Variants in SEMA5A observed in about 807,000 individuals in gnomAD.
SEMA5A encodes semaphorin-5A.
In SEMA5A, 55 loss-of-function variants were observed where a neutral mutation model predicts 135.5. The observed-to-expected ratio is 0.41, with a 90% CI of 0.33 to 0.51. The LOEUF is 0.51. Among genes scored for constraint, SEMA5A ranks in the 20% least tolerant of loss-of-function variants. The pLI, the probability that SEMA5A is intolerant of heterozygous loss-of-function variation, is 0.37. For missense variants in SEMA5A, 1,290 were observed against 1,419.9 expected (o/e 0.91, Z 1.47); for synonymous variants, 580 against 546.5 (o/e 1.06, Z -0.85).
At chr5:9,269,919 C>T (rs538753104) in intron 5 of SEMA5A, among the ~76,000 whole-genome samples, 1 of 152,184 alleles carries the variant, frequency 6.6e-6, no homozygotes, top group African/African-American at 2.4e-5. Flanking sequence ...GTAGAGTAGG[C>T]CTGAGACTGT....
chr5:9,307,450 C>T (rs1309291238), intron 5 of SEMA5A, among the ~76,000 whole-genome samples: 1 of 151,696 alleles, frequency 6.6e-6, no homozygotes, highest in African/African-American at 2.4e-5. Context: ...TTAAGGGTTC[C>T]AATCCATCCA....
intron 13 of SEMA5A, among the ~76,000 whole-genome samples, chr5:9,130,667 A>G (rs943033637): frequency 1.3e-5 from 2 of 152,204 alleles, no homozygotes; most frequent in African/African-American, 4.8e-5. Context: ...CACTGAGCAC[A>G]CGTTCCAGAC....
intron 3 of SEMA5A, among the ~76,000 whole-genome samples, chr5:9,348,128 AC>A (rs1323005056): frequency 6.6e-6 from 1 of 152,174 alleles, no homozygotes; most frequent in African/African-American, 2.4e-5. Context: ...GTGCAAAGAG[AC>A]ACTAGTGAAA....
chr5:9,423,472 G>C (rs574469159), intron 2 of SEMA5A, among the ~76,000 whole-genome samples: 1 of 152,140 alleles, frequency 6.6e-6, no homozygotes, highest in Non-Finnish European at 1.5e-5. Context: ...ACAACCCACC[G>C]CTTCTCAACA....
intron 5 of SEMA5A, among the ~76,000 whole-genome samples, chr5:9,288,556 C>A (rs1750915028): frequency 6.6e-6 from 1 of 152,130 alleles, no homozygotes; most frequent in South Asian, 2.1e-4. Flanking sequence ...GAGAAAATAG[C>A]CAGCAGGAGT....
chr5:9,219,032 C>A (rs1023646907), intron 8 of SEMA5A, among the ~76,000 whole-genome samples: 1 of 152,196 alleles, frequency 6.6e-6, no homozygotes, highest in Non-Finnish European at 1.5e-5. Flanking sequence ...ATGTCCAGGT[C>A]AGGTAGTCAG....
chr5:9,215,636 A>T (rs909333326), intron 8 of SEMA5A, among the ~76,000 whole-genome samples: 1 of 152,172 alleles, frequency 6.6e-6, no homozygotes, highest in Non-Finnish European at 1.5e-5. Flanking sequence ...GTGCATGGCC[A>T]TGCCGGCACC....
chr5:9,292,565 G>C (rs1751137978), intron 5 of SEMA5A, among the ~76,000 whole-genome samples: 1 of 152,028 alleles, frequency 6.6e-6, no homozygotes. Context: ...ATAAACCAAA[G>C]GGAATTTACA....
intron 3 of SEMA5A, among the ~76,000 whole-genome samples, chr5:9,353,105 A>AGGGAAGGGAAGGGAAGGGAAG (rs1407226362): frequency 2.9e-5 from 1 of 34,182 alleles, no homozygotes; most frequent in African/African-American, 1.3e-4. Flanking sequence ...AAGGAAGGAA[A>AGGGAAGGGAAGGGAAGGGAAG]GGAAAGGAAA....
At chr5:9,343,762 T>A (rs1753748388) in intron 3 of SEMA5A, among the ~76,000 whole-genome samples, 1 of 152,186 alleles carries the variant, frequency 6.6e-6, no homozygotes, top group African/African-American at 2.4e-5. Context: ...CTATGCTGTG[T>A]CTTGCCTGCT....
chr5:9,320,350 G>A (rs1752574109), intron 4 of SEMA5A, among the ~76,000 whole-genome samples: 1 of 152,170 alleles, frequency 6.6e-6, no homozygotes, highest in South Asian at 2.1e-4. Flanking sequence ...GGATACCTCT[G>A]AGGGGAGGGA....
chr5:9,467,419 C>A (rs1200924743), intron 1 of SEMA5A, among the ~76,000 whole-genome samples: 3 of 152,134 alleles, frequency 2.0e-5, no homozygotes, highest in Non-Finnish European at 4.4e-5. Context: ...GCTGCATGAA[C>A]TGTTCTGAGG....
intron 5 of SEMA5A, among the ~76,000 whole-genome samples, chr5:9,287,446 C>T (rs7729251): frequency 0.67 from 101,810 of 151,986 alleles, 35,563 homozygotes; most frequent in South Asian, 0.81. Context: ...TTTAGAGGAA[C>T]GTAACTAAAA....
intron 12 of SEMA5A, among the ~76,000 whole-genome samples, chr5:9,150,355 G>T (rs1345187049): frequency 1.3e-5 from 2 of 152,094 alleles, no homozygotes; most frequent in Non-Finnish European, 2.9e-5. Context: ...AATGAAAAAG[G>T]ATATGCATGA....
rs1443786295 is a variant in SEMA5A at position 9,543,835 on chromosome 5, T to G, written c.-175+1749A>C. On this transcript the variant is annotated intron_variant, in intron 1 of 22. Coordinates refer to ENST00000382496, the MANE Select transcript of SEMA5A (RefSeq NM_003966.3). ...ATTACACTTAGGGCTGTATTTTTCA[T>G]GAAAAAAAAAAAAAAACATAGAAAA... Among the ~76,000 whole-genome samples, 14 of 25,532 alleles carry G rather than the reference T, an allele frequency of 5.5e-4. 1 individual carries two copies. Among genetic ancestry groups the G allele is most frequent in the Non-Finnish European group, 8.2e-4 (12 of 14,676 alleles). The allele number at this position is 25,532 out of a possible 152,430, so 16.7% of individuals were successfully genotyped here. A position where few individuals can be genotyped will look rare whatever the true frequency, so the allele number is the denominator to read the frequency against.
chr5:9,065,270 G>A (rs1737401738), intron 17 of SEMA5A, among the ~76,000 whole-genome samples: 2 of 152,178 alleles, frequency 1.3e-5, no homozygotes, highest in Admixed American at 6.5e-5. Context: ...AGGCATCCAG[G>A]CTGTTCACCA....
At chr5:9,487,410 G>T (rs1462565430) in intron 1 of SEMA5A, among the ~76,000 whole-genome samples, 1 of 152,140 alleles carries the variant, frequency 6.6e-6, no homozygotes, top group Non-Finnish European at 1.5e-5. Flanking sequence ...GGAAGGGATG[G>T]GTTTGAGCAG....
At chr5:9,108,951 C>G (rs1389069880) in intron 15 of SEMA5A, among the ~76,000 whole-genome samples, 1 of 149,558 alleles carries the variant, frequency 6.7e-6, no homozygotes, top group African/African-American at 2.5e-5. Context: ...TTCTATACTT[C>G]TACATATTTT....
intron 4 of SEMA5A, among the ~76,000 whole-genome samples, chr5:9,331,607 C>T: frequency 6.6e-6 from 1 of 152,144 alleles, no homozygotes. Context: ...CCACTTTAAC[C>T]AACTAGAGGC....
Sources: gnomAD v4.1 joint callset for allele counts (sites outside exome capture counted in the v4.1 genomes callset) on GRCh38, gnomAD v4.1.1 for gene constraint, MANE v1.5 for transcripts, NCBI Gene and HGNC (gene_info 2026-07-23, HGNC 2026-07-21) for gene names.